CSMD1: variants seen among roughly 807,000 people sequenced by gnomAD.
The protein encoded by CSMD1 is CUB and Sushi multiple domains 1, also known as CUB and sushi domain-containing protein 1.
Under a neutral mutation model 417.5 loss-of-function variants are expected in CSMD1, and 213 were observed. The ratio of observed to expected loss-of-function variants is 0.51; its 90% CI spans 0.46 to 0.57. The LOEUF (loss-of-function observed/expected upper bound fraction) is 0.57. Ranked by LOEUF, CSMD1 falls within the 20% of genes least tolerant of loss-of-function variation. The pLI is 0.00. For synonymous variants in CSMD1, 2,862 were observed against 1,736.8 expected (o/e 1.65, Z -16.11); for missense variants, 6,923 against 4,529.7 (o/e 1.53, Z -15.17).
chr8:3,310,695 T>A (rs1805265500), intron 23 of CSMD1, among the ~76,000 whole-genome samples: 1 of 152,112 alleles, frequency 6.6e-6, no homozygotes, highest in Admixed American at 6.6e-5. Flanking sequence ...AAAATCTTTT[T>A]GAGGGGTGAG....
intron 11 of CSMD1, among the ~76,000 whole-genome samples, chr8:3,479,612 C>A (rs1312859103): frequency 6.6e-6 from 1 of 152,184 alleles, no homozygotes; most frequent in Non-Finnish European, 1.5e-5. Flanking sequence ...AATGCCATTA[C>A]TTTCAGTGGC....
At chr8:3,347,370 T>C (rs549839555) in intron 22 of CSMD1, among the ~76,000 whole-genome samples, 1 of 152,196 alleles carries the variant, frequency 6.6e-6, no homozygotes, top group Non-Finnish European at 1.5e-5. Context: ...TAGTTGGAGC[T>C]GGGATTTTGT....
At chr8:4,705,184 G>T (rs1207320785) in intron 1 of CSMD1, among the ~76,000 whole-genome samples, 3 of 152,176 alleles carry the variant, frequency 2.0e-5, no homozygotes, top group East Asian at 3.9e-4. Context: ...AGTTTCCTGA[G>T]GCCTTCCCAC....
intron 3 of CSMD1, among the ~76,000 whole-genome samples, chr8:4,074,972 C>T (rs1799746184): frequency 6.6e-6 from 1 of 152,194 alleles, no homozygotes; most frequent in South Asian, 2.1e-4. Flanking sequence ...AGTCTGCCTT[C>T]CCTAATGGGA....
rs371159005 is a variant in CSMD1 at position 3,498,514 on chromosome 8, G to C, written c.1345-4788C>G. On this transcript the variant is annotated intron_variant, in intron 10 of 69. Coordinates refer to ENST00000635120, the MANE Select transcript of CSMD1 (RefSeq NM_033225.6). Reference sequence around the variant, plus strand: ...GCATTAGATCTGTTTGGTGATCTTTGAGCTTCCTGGATCTGAATGCACATA... The same window carrying C: ...GCATTAGATCTGTTTGGTGATCTTTCAGCTTCCTGGATCTGAATGCACATA... Among the ~76,000 whole-genome samples the C allele has an allele frequency of 3.7e-4, 57 of 152,246 alleles. No individual in the cohort carries two copies. In the South Asian group the frequency reaches 0.011, roughly 28 times the overall value.
Position 4,269,621 on chromosome 8 carries a change from G to A in CSMD1, c.415+150332C>T, listed in dbSNP as rs79847988. ...TACAGTTTAACCTCATTTTTTATAC[G>A]TATATTGTAAATATCACACATGACT... On this transcript the variant is annotated intron_variant, in intron 3 of 69. Coordinates refer to ENST00000635120, the MANE Select transcript of CSMD1 (RefSeq NM_033225.6). Among the ~76,000 whole-genome samples, 650 of 151,748 alleles carry A rather than the reference G, an allele frequency of 4.3e-3. 14 individuals carry two copies. Among genetic ancestry groups the A allele is most frequent in the Admixed American group, 0.033 (496 of 15,248 alleles).
chr8:4,334,314 G>A (rs1800035134), intron 3 of CSMD1, among the ~76,000 whole-genome samples: 1 of 152,138 alleles, frequency 6.6e-6, no homozygotes, highest in South Asian at 2.1e-4. Context: ...TTCCTGGGAA[G>A]GTATTTGTGG....
At chr8:4,659,653 G>A (rs1418667018) in intron 1 of CSMD1, among the ~76,000 whole-genome samples, 1 of 152,098 alleles carries the variant, frequency 6.6e-6, no homozygotes, top group African/African-American at 2.4e-5. Flanking sequence ...GGCGACAGGG[G>A]AGTGACTGTT....
chr8:4,462,820 G>C (rs1217668), intron 2 of CSMD1, among the ~76,000 whole-genome samples: 1 of 152,054 alleles, frequency 6.6e-6, no homozygotes, highest in African/African-American at 2.4e-5. Context: ...CAAAAAAATT[G>C]ATAAATCATA....
chr8:4,151,505 T>C (rs190000978), intron 3 of CSMD1, among the ~76,000 whole-genome samples: 15 of 152,304 alleles, frequency 9.8e-5, no homozygotes, highest in African/African-American at 2.6e-4. Flanking sequence ...GTGAACCAAA[T>C]GGAAGATTTT....
intron 8 of CSMD1, among the ~76,000 whole-genome samples, chr8:3,605,526 G>C (rs577561856): frequency 6.6e-6 from 1 of 152,292 alleles, no homozygotes; most frequent in African/African-American, 2.4e-5. Flanking sequence ...GAAATGAGCA[G>C]TTGTTTATCA....
At chr8:4,448,848 CTTT>C (rs1301756495) in intron 2 of CSMD1, among the ~76,000 whole-genome samples, 1 of 152,146 alleles carries the variant, frequency 6.6e-6, no homozygotes, top group East Asian at 1.9e-4. Context: ...TCTCTATCTT[CTTT>C]CTGATGTGTA....
chr8:3,918,157 G>A (rs1173964873), intron 5 of CSMD1, among the ~76,000 whole-genome samples: 1 of 152,016 alleles, frequency 6.6e-6, no homozygotes, highest in Non-Finnish European at 1.5e-5. Context: ...AGTAAACATG[G>A]GAGTGAAAGT....
At chr8:3,473,318 T>A (rs1412441556) in intron 11 of CSMD1, among the ~76,000 whole-genome samples, 1 of 152,226 alleles carries the variant, frequency 6.6e-6, no homozygotes, top group Admixed American at 6.5e-5. Context: ...CATTTTGGAA[T>A]TTAAGCCTGC....
intron 28 of CSMD1, 100 bp downstream of exon 28, chr8:3,223,629 C>A (rs1394511291): frequency 8.2e-7 from 1 of 1,221,702 alleles, no homozygotes; most frequent in Non-Finnish European, 1.2e-6. Context: ...TAGCACTTAC[C>A]TAGATATAAC....
At chr8:3,535,748 T>C (rs949094056) in intron 10 of CSMD1, among the ~76,000 whole-genome samples, 3 of 152,222 alleles carry the variant, frequency 2.0e-5, no homozygotes, top group Non-Finnish European at 2.9e-5. Flanking sequence ...CCTTCAATTA[T>C]GTAGTGCTTG....
chr8:4,892,457 A>T (rs1307095609), intron 1 of CSMD1, among the ~76,000 whole-genome samples: 6 of 152,072 alleles, frequency 3.9e-5, no homozygotes, highest in Admixed American at 3.3e-4. Context: ...AAATAGGTTC[A>T]TGTCTTTTAA....
intron 12 of CSMD1, among the ~76,000 whole-genome samples, chr8:3,416,938 C>T (rs9314487): frequency 6.6e-6 from 1 of 152,144 alleles, no homozygotes. Flanking sequence ...ATTAGGTTCA[C>T]CCATAGTCAT....
chr8:3,228,475 A>T (rs889945941), intron 27 of CSMD1, among the ~76,000 whole-genome samples: 1 of 152,190 alleles, frequency 6.6e-6, no homozygotes, highest in African/African-American at 2.4e-5. Flanking sequence ...TGCCAAAATA[A>T]TTGATTATTC....
Sources: allele counts gnomAD v4.1 joint callset (sites outside exome capture counted in the v4.1 genomes callset), GRCh38; gene constraint gnomAD v4.1.1; transcripts MANE v1.5; gene names NCBI Gene and HGNC (gene_info 2026-07-23, HGNC 2026-07-21).